The following ANKRD26 variants were observed in gnomAD, a reference collection of about 807,000 sequenced individuals.
ANKRD26 encodes ankyrin repeat domain-containing protein 26.
ANKRD26 carries 141 observed loss-of-function variants against 208.7 expected under a neutral mutation model. The observed-to-expected ratio is 0.68, with a 90% CI of 0.59 to 0.78. The LOEUF is 0.78. ANKRD26 is among the 30% of genes least tolerant of loss of function. The pLI is 0.00. For missense variants in ANKRD26, 1,889 were observed against 1,938.7 expected (o/e 0.97, Z 0.48); for synonymous variants, 636 against 660.4 (o/e 0.96, Z 0.57).
Position 27,048,983 on chromosome 10 carries a change from T to C in ANKRD26, c.1636-4A>G, listed in dbSNP as rs367928822. ...GTTTTTTCCTTTCTTCTTCAACCTTTAATGAAAGTTTGATACTAAGGAATT... is the reference window on the plus strand; with the variant it reads ...GTTTTTTCCTTTCTTCTTCAACCTTCAATGAAAGTTTGATACTAAGGAATT... On this transcript the variant is annotated splice_region_variant and splice_polypyrimidine_tract_variant and intron_variant, in intron 16 of 33. Transcript: ENST00000376087. 10 of 1,590,288 alleles carry C rather than the reference T, an allele frequency of 6.3e-6. No individual in the cohort carries two copies. The highest frequency in any genetic ancestry group is 2.3e-5 in the South Asian group (2 of 88,752).
At chr10:27,065,546 A>T (rs921942185) in intron 11 of ANKRD26, among the ~76,000 whole-genome samples, 1 of 152,068 alleles carries the variant, frequency 6.6e-6, no homozygotes, top group Non-Finnish European at 1.5e-5. Context: ...AAGTACCCTG[A>T]ATATTTATTG....
At chr10:27,075,261 T>C (rs1182578935) in intron 9 of ANKRD26, among the ~76,000 whole-genome samples, 1 of 152,136 alleles carries the variant, frequency 6.6e-6, no homozygotes, top group African/African-American at 2.4e-5. Context: ...TTGAAGTAAA[T>C]GGTCTAAATG....
chr10:26,973,456 C>CT (rs201741411), downstream of ANKRD26, among the ~76,000 whole-genome samples: 231 of 143,082 alleles, frequency 1.6e-3, no homozygotes, highest in Middle Eastern at 3.7e-3. Context: ...TATATCTTTC[C>CT]TTTTTTTTTT....
At chr10:27,002,277 G>A (rs538693711), downstream of ANKRD26, among the ~76,000 whole-genome samples, 2 of 152,316 alleles carry the variant, frequency 1.3e-5, no homozygotes, top group South Asian at 4.1e-4. Context: ...CACACAAGAG[G>A]ATTGAACAAA....
At position 27,092,447 on chromosome 10, in the gene ANKRD26, T is replaced by C; in HGVS notation, c.597A>G (p.Ile199Met). ...CTGCATTTACATTTGCTTTTTTCTT[T>C]ATTAAAAATTCCACCATTTGCTGCT... The part of the protein sequence containing the change: ...GKKQQMVEFL[I>M]KKKANVNAVD... The change falls in exon 4 of 34, where the codon ATA becomes ATG. Residue 199 changes from isoleucine to methionine, a missense_variant. Physicochemically the swap from Ile to Met is conservative, Grantham distance 10. This residue lies in a region of ANKRD26 where 1,272 missense variants were observed against 1,273.8 expected (regional missense o/e 1.00). Coordinates refer to ENST00000376087, the MANE Select transcript of ANKRD26 (RefSeq NM_014915.3). The C allele has an allele frequency of 1.2e-6, 2 of 1,613,680 alleles. No homozygotes were observed. Among genetic ancestry groups the C allele is most frequent in the South Asian group, 1.1e-5 (1 of 91,058 alleles).
chr10:27,092,807 G>C (rs1252005750), intron 3 of ANKRD26, among the ~76,000 whole-genome samples: 2 of 152,148 alleles, frequency 1.3e-5, no homozygotes, highest in Non-Finnish European at 2.9e-5. Context: ...TCTAGGCTGA[G>C]CACAGTGGCT....
chr10:27,009,892 A>T (rs950120249), intron 32 of ANKRD26, among the ~76,000 whole-genome samples: 7 of 152,194 alleles, frequency 4.6e-5, no homozygotes, highest in Non-Finnish European at 1.0e-4. Context: ...TTTTCATTTT[A>T]AAATATAAGA....
At chr10:27,042,798 CAAAA>C (rs60850386) in intron 20 of ANKRD26, among the ~76,000 whole-genome samples, 12 of 48,952 alleles carry the variant, frequency 2.5e-4, no homozygotes, top group South Asian at 2.2e-3. Context: ...CAAAAAAATA[CAAAA>C]AAAAAAAAAA....
chr10:27,048,096 C>G (rs548735764), intron 17 of ANKRD26, among the ~76,000 whole-genome samples: 1 of 152,140 alleles, frequency 6.6e-6, no homozygotes, highest in Non-Finnish European at 1.5e-5. Context: ...TATCATATAC[C>G]TATATAATTT....
intron 9 of ANKRD26, among the ~76,000 whole-genome samples, chr10:27,073,613 G>T (rs2135548280): frequency 6.6e-6 from 1 of 152,242 alleles, no homozygotes; most frequent in Admixed American, 6.5e-5. Flanking sequence ...CAAACTTGGG[G>T]TACTGCATTT....
At chr10:27,019,015 T>C (rs1428313377) in intron 29 of ANKRD26, among the ~76,000 whole-genome samples, 7 of 152,248 alleles carry the variant, frequency 4.6e-5, no homozygotes, top group African/African-American at 1.4e-4. Flanking sequence ...GGTGGCTCAC[T>C]GAGCCTGTAA....
chr10:27,051,477 A>G (rs1194787762), intron 16 of ANKRD26: 11 of 1,063,888 alleles, frequency 1.0e-5, no homozygotes, highest in Non-Finnish European at 1.3e-5. Context: ...TGTCTTATCA[A>G]ACTCTTCTTT....
chr10:27,052,828 A>G (rs2135383883), intron 16 of ANKRD26, among the ~76,000 whole-genome samples: 1 of 152,278 alleles, frequency 6.6e-6, no homozygotes, highest in African/African-American at 2.4e-5. Flanking sequence ...AGACACTGAA[A>G]TCAACAGGGA....
At chr10:27,060,249 A>G (rs2055004684) in intron 15 of ANKRD26, 96 bp downstream of exon 15, 2 of 1,224,954 alleles carry the variant, frequency 1.6e-6, no homozygotes, top group Non-Finnish European at 2.4e-6. Context: ...TTTGGAGAAA[A>G]AAAGAATTAG....
At chr10:26,997,969 C>T (rs1041515991) in intron 4 of ANKRD26, among the ~76,000 whole-genome samples, 14 of 152,186 alleles carry the variant, frequency 9.2e-5, no homozygotes, top group Non-Finnish European at 1.3e-4. Flanking sequence ...TTGACTCTGC[C>T]GGACTTCATA....
chr10:26,952,089 C>T, the ANKRD26 span, among the ~76,000 whole-genome samples: 2 of 152,202 alleles, frequency 1.3e-5, no homozygotes, highest in African/African-American at 2.4e-5. Flanking sequence ...AGATAGCAGC[C>T]TCTTCTTTCC....
intron 12 of ANKRD26, among the ~76,000 whole-genome samples, chr10:27,063,035 G>A (rs929988113): frequency 6.6e-5 from 10 of 152,118 alleles, no homozygotes; most frequent in African/African-American, 2.2e-4. Context: ...TGGGATTACA[G>A]GCGTGAGCCA....
chr10:26,967,060 G>T, the ANKRD26 span, among the ~76,000 whole-genome samples: 2 of 152,212 alleles, frequency 1.3e-5, no homozygotes, highest in African/African-American at 4.8e-5. Flanking sequence ...GATGACGTGT[G>T]AGTATCCTTT....
intron 29 of ANKRD26, among the ~76,000 whole-genome samples, chr10:27,020,792 G>C (rs1474566190): frequency 1.3e-5 from 2 of 152,148 alleles, no homozygotes; most frequent in Non-Finnish European, 2.9e-5. Flanking sequence ...CAGAGTAGCT[G>C]GGACTACAGG....
Sources: allele counts gnomAD v4.1 joint callset (sites outside exome capture counted in the v4.1 genomes callset), GRCh38; gene constraint gnomAD v4.1.1; regional missense constraint gnomAD v4.1.1; transcripts MANE v1.5; gene names NCBI Gene and HGNC (gene_info 2026-07-23, HGNC 2026-07-21).